The following METAP2 variants were observed in gnomAD, a reference collection of about 807,000 sequenced individuals.
The protein encoded by METAP2 is methionyl aminopeptidase 2, also known as methionine aminopeptidase 2.
Under a neutral mutation model 59.4 loss-of-function variants are expected in METAP2, and 25 were observed. The observed-to-expected ratio is 0.42, with a 90% CI of 0.31 to 0.59. METAP2 has a LOEUF of 0.59. Ranked by LOEUF, METAP2 falls within the 20% of genes least tolerant of loss-of-function variation. The pLI is 0.16. For synonymous variants in METAP2, 214 were observed against 194.1 expected (o/e 1.10, Z -0.85); for missense variants, 366 against 581.2 (o/e 0.63, Z 3.81).
chr12:95,474,363 C>T (rs371497855), intron 1 of METAP2, 33 bp downstream of exon 1: 4 of 1,608,482 alleles, frequency 2.5e-6, no homozygotes, highest in African/African-American at 1.3e-5. Flanking sequence ...CCAGTCCCCT[C>T]CGGGAACGGC....
Position 95,511,612 on chromosome 12 carries a change from G to A in METAP2, c.965-283G>A, listed in dbSNP as rs567573391. Among the ~76,000 whole-genome samples the A allele has an allele frequency of 4.9e-4, 74 of 152,046 alleles. 1 individual carries two copies. The South Asian group carries it at 0.015, about 30-fold the overall frequency. ...TCGCCATGTTGGTCAGGCTGGTCTC[G>A]AACTCCTGACCTCAGGTGATCCGCT... On this transcript the variant is annotated intron_variant, in intron 8 of 10. Coordinates refer to ENST00000323666, the MANE Select transcript of METAP2 (RefSeq NM_006838.4).
chr12:95,478,893 G>A (rs566407119), intron 2 of METAP2, among the ~76,000 whole-genome samples: 27 of 152,142 alleles, frequency 1.8e-4, no homozygotes, highest in Non-Finnish European at 3.4e-4. Context: ...GATAGATTGA[G>A]GGAGCCTTAG....
intron 3 of METAP2, among the ~76,000 whole-genome samples, chr12:95,484,020 C>G (rs301038): frequency 5.9e-5 from 9 of 151,674 alleles, no homozygotes; most frequent in African/African-American, 2.2e-4. Context: ...ATCAGGTGCC[C>G]GAAAATATAT....
Position 95,512,930 on chromosome 12 carries a change from C to CG in METAP2, c.1184+15dup. On this transcript the variant is annotated intron_variant, in intron 10 of 10. Transcript: ENST00000323666. ...TGTGCCAATAAGGTGAGAGACGAGACGATTGATTTTATGTGGCTAATTAGC... is the reference window on the plus strand; with the variant it reads ...TGTGCCAATAAGGTGAGAGACGAGACGGATTGATTTTATGTGGCTAATTAGC... 8.2e-6 allele frequency: 12 copies of CG among 1,468,320 alleles called. No homozygotes were observed. Among genetic ancestry groups the CG allele is most frequent in the Non-Finnish European group, 1.1e-5 (12 of 1,051,442 alleles). 91.0% of individuals were successfully genotyped at this position (1,468,320 alleles called of 1,614,324 possible).
rs980050619 is a variant in METAP2 at position 95,497,295 on chromosome 12, A to G, written c.867+1197A>G. ...CTACCCTGGCAACCACCATTCTACT[A>G]TATATGATTTTTACTGCTGTAAGTA... is the stretch of plus-strand genomic sequence containing the variant. On this transcript the variant is annotated intron_variant, in intron 7 of 10. Coordinates refer to ENST00000323666, the MANE Select transcript of METAP2 (RefSeq NM_006838.4). Among the ~76,000 whole-genome samples the G allele has an allele frequency of 5.3e-5, 8 of 152,280 alleles. No homozygotes were observed. The South Asian group carries it at 1.7e-3, about 32-fold the overall frequency.
At chr12:95,500,858 T>C (rs1305232972) in intron 7 of METAP2, among the ~76,000 whole-genome samples, 2 of 152,170 alleles carry the variant, frequency 1.3e-5, no homozygotes, top group Non-Finnish European at 2.9e-5. Context: ...TTGCCTCGCT[T>C]TGGTATCAGA....
In METAP2 at chr12:95,514,261, G is replaced by T. The variant is rs201129855; in HGVS notation, c.*357G>T. 1 of 195,386 alleles carries T rather than the reference G, an allele frequency of 5.1e-6. No homozygotes were observed. The highest frequency in any genetic ancestry group is 1.0e-5 in the Non-Finnish European group (1 of 96,808). 12.1% of individuals were successfully genotyped at this position (195,386 alleles called of 1,614,324 possible). A position where few individuals can be genotyped will look rare whatever the true frequency, so the allele number is the denominator to read the frequency against. ...TGAATGCTTTGAATGACTACATCCAGTTCTGCACCTATACCCTCTGGTGTT... is the reference window on the plus strand; with the variant it reads ...TGAATGCTTTGAATGACTACATCCATTTCTGCACCTATACCCTCTGGTGTT... On this transcript the variant is annotated 3_prime_UTR_variant, in exon 11 of 11. Transcript: ENST00000323666.
At chr12:95,480,699 GTTAT>G (rs1365586177) in intron 2 of METAP2, among the ~76,000 whole-genome samples, 4 of 151,996 alleles carry the variant, frequency 2.6e-5, no homozygotes, top group Admixed American at 6.6e-5. Context: ...GTTTTATTGG[GTTAT>G]TTGTCATCCT....
Position 95,511,898 on chromosome 12 carries a change from A to G in METAP2, c.968A>G (p.Lys323Arg), listed in dbSNP as rs1303053461. The G allele has an allele frequency of 6.2e-7, 1 of 1,605,008 alleles. No homozygotes were observed. Among genetic ancestry groups the G allele is most frequent in the African/African-American group, 1.3e-5 (1 of 74,660 alleles). Reference sequence around the variant, plus strand: ...ATTTCCCTATTTTTTATAACAGTGAAACCAATCCGTAATCTAAATGGACAT... The same window carrying G: ...ATTTCCCTATTTTTTATAACAGTGAGACCAATCCGTAATCTAAATGGACAT... Reference protein sequence around the residue: ...VEIDGKTYQVKPIRNLNGHSI... With the variant: ...VEIDGKTYQVRPIRNLNGHSI... Residue 323 changes from lysine to arginine, a missense_variant, in exon 9 of 11, where the codon AAA (lysine) becomes AGA (arginine). Physicochemically the swap from Lys to Arg is conservative, Grantham distance 26. Around this residue, in one of 4 missense-constraint regions of METAP2, gnomAD observed 106 missense variants for 221.9 expected, o/e 0.48. Transcript: ENST00000323666.
At chr12:95,507,045 G>A (rs1446537407) in intron 8 of METAP2, among the ~76,000 whole-genome samples, 1 of 152,020 alleles carries the variant, frequency 6.6e-6, no homozygotes, top group East Asian at 1.9e-4. Context: ...TGGGATTACA[G>A]GCGTGAGCCA....
At chr12:95,479,912 A>G (rs945657252) in intron 2 of METAP2, among the ~76,000 whole-genome samples, 10 of 152,242 alleles carry the variant, frequency 6.6e-5, no homozygotes, top group East Asian at 3.9e-4. Flanking sequence ...CCTGGCCCCA[A>G]TAGTCATCCT....
At chr12:95,474,433 AGACTGATTCTTGGGCCT>A (rs1329030950) in intron 1 of METAP2, 103 bp downstream of exon 1, 371 of 1,279,928 alleles carry the variant, frequency 2.9e-4, no homozygotes, top group Non-Finnish European at 3.5e-4. Context: ...AGCCCCGACT[AGACTGATTCTTGGGCCT>A]GACAGGGTGG....
At chr12:95,504,738 A>C (rs2076345245) in intron 8 of METAP2, among the ~76,000 whole-genome samples, 1 of 152,212 alleles carries the variant, frequency 6.6e-6, no homozygotes, top group Non-Finnish European at 1.5e-5. Flanking sequence ...TACTGAGCTC[A>C]AGCGATCCTC....
intron 3 of METAP2, among the ~76,000 whole-genome samples, chr12:95,484,330 G>T (rs1387925350): frequency 1.3e-5 from 2 of 151,256 alleles, no homozygotes; most frequent in African/African-American, 4.9e-5. Flanking sequence ...AGCCTGTGAG[G>T]GCCCATGAGT....
rs374978610 is a variant in METAP2, at chr12:95,504,016, T to C, written c.868-49T>C. On this transcript the variant is annotated intron_variant, in intron 7 of 10. Transcript: ENST00000323666. ...TAAATGTTACAAAATTAAGTTGCTA[T>C]GAAAATTTTGCACTTTGAATAATAA... 2.9e-6 allele frequency: 4 copies of C among 1,392,854 alleles called. No homozygotes were observed. In the African/African-American group the frequency reaches 5.8e-5, roughly 20 times the overall value. 86.3% of individuals were successfully genotyped at this position (1,392,854 alleles called of 1,614,324 possible). A position where few individuals can be genotyped will look rare whatever the true frequency, so the allele number is the denominator to read the frequency against.
chr12:95,483,784 G>C (rs1445201853), intron 3 of METAP2, among the ~76,000 whole-genome samples: 1 of 152,118 alleles, frequency 6.6e-6, no homozygotes, highest in African/African-American at 2.4e-5. Flanking sequence ...GTCAAGAATG[G>C]CCGAAGTGGT....
intron 4 of METAP2, among the ~76,000 whole-genome samples, chr12:95,490,566 A>ATTTTTTTT (rs67031623): frequency 9.7e-6 from 1 of 102,824 alleles, no homozygotes; most frequent in African/African-American, 4.0e-5. Flanking sequence ...TGAAGCCTGT[A>ATTTTTTTT]TTTTTTTTTT....
chr12:95,485,009 C>G, intron 3 of METAP2: 1 of 393,894 alleles, frequency 2.5e-6, no homozygotes. Flanking sequence ...GGGCAGTTCA[C>G]TGCCCTCATT....
At chr12:95,492,054 T>G (rs2076241477) in intron 4 of METAP2, among the ~76,000 whole-genome samples, 1 of 152,074 alleles carries the variant, frequency 6.6e-6, no homozygotes, top group African/African-American at 2.4e-5. Context: ...ACAGTCCTCC[T>G]GCCTCAGCCT....
Sources: gnomAD v4.1 joint callset for allele counts (sites outside exome capture counted in the v4.1 genomes callset) on GRCh38, gnomAD v4.1.1 for gene constraint, gnomAD v4.1.1 regional missense constraint, MANE v1.5 for transcripts, NCBI Gene and HGNC (gene_info 2026-07-23, HGNC 2026-07-21) for gene names.